Variants in SLC25A39 observed in about 807,000 individuals in gnomAD.
The protein encoded by SLC25A39 is mitochondrial glutathione transporter SLC25A39.
A neutral mutation model predicts 46.6 loss-of-function variants in SLC25A39; 44 were observed. That is an observed-to-expected ratio of 0.94 (90% CI 0.74 to 1.21). The LOEUF (loss-of-function observed/expected upper bound fraction) is 1.21. SLC25A39 is among the 50% of genes most tolerant of loss of function. The pLI is 0.00. For missense variants in SLC25A39, 487 were observed against 473.0 expected, an observed-to-expected ratio of 1.03 and a Z score of -0.28; for synonymous variants, 218 against 190.6, an observed-to-expected ratio of 1.14 and a Z score of -1.19.
At position 44,319,992 on chromosome 17, in the gene SLC25A39, T is replaced by C. The variant is rs777246942; in HGVS notation, c.*9A>G. On this transcript the variant is annotated 3_prime_UTR_variant, in exon 12 of 12. Coordinates refer to ENST00000377095, the MANE Select transcript of SLC25A39 (RefSeq NM_001143780.3). The stretch of plus-strand genomic sequence containing the variant: ...TGGGAGAGACGGGGTCCTTGCCTCC[T>C]TGCCCCTTTCAGCCGCCCAGAAGCC... 1.1e-5 allele frequency: 17 copies of C among 1,613,574 alleles called. No individual in the cohort carries two copies. Among genetic ancestry groups the C allele is most frequent in the Non-Finnish European group, 1.4e-5 (16 of 1,179,904 alleles).
chr17:44,323,784 G>A (rs141711348), intron 1 of SLC25A39: 7,300 of 576,248 alleles, frequency 0.013, 58 homozygotes, highest in Non-Finnish European at 0.017. Context: ...TGGGACTACA[G>A]GCGCGCACCA....
chr17:44,320,941 G>T, intron 8 of SLC25A39, 117 bp downstream of exon 8: 1 of 1,275,810 alleles, frequency 7.8e-7, no homozygotes, highest in Non-Finnish European at 1.1e-6. Flanking sequence ...GAAACCCATG[G>T]CTCAGAAAAG....
In SLC25A39 at chr17:44,320,706, C is replaced by G. The variant is rs1003974412; in HGVS notation, c.717G>C (p.Leu239=). ...FSALYWFNYE[L]VKSWLNGFRP... is the part of the protein sequence containing the mutation. ...TGAACCCATTGAGCCAGCTCTTCAC[C>G]AGCTCATAGTTGAACCAGTACAGGG... The change falls in exon 9 of 12, where the codon CTG becomes CTC. Residue 239 remains leucine, a synonymous_variant. Coordinates refer to ENST00000377095, the MANE Select transcript of SLC25A39 (RefSeq NM_001143780.3). The G allele has an allele frequency of 2.5e-6, 4 of 1,613,900 alleles. No individual in the cohort carries two copies. Among genetic ancestry groups the G allele is most frequent in the Non-Finnish European group, 3.4e-6 (4 of 1,179,994 alleles).
At chr17:44,320,946 G>T in intron 8 of SLC25A39, 112 bp downstream of exon 8, 2 of 1,322,028 alleles carry the variant, frequency 1.5e-6, no homozygotes, top group Non-Finnish European at 2.0e-6. Context: ...CCATGGCTCA[G>T]AAAAGCTAAG....
In SLC25A39 at chr17:44,319,870, T is replaced by C. The variant is rs1369618063; in HGVS notation, c.*131A>G. On this transcript the variant is annotated 3_prime_UTR_variant, in exon 12 of 12. Transcript: ENST00000377095. Reference sequence around the variant, plus strand: ...GCCGCCCAGAGGGACAGCCCTGCCCTGGAGCTTGTCGCCGGGAGGGAAGGG... The same window carrying C: ...GCCGCCCAGAGGGACAGCCCTGCCCCGGAGCTTGTCGCCGGGAGGGAAGGG... 32 of 814,568 alleles carry C rather than the reference T, an allele frequency of 3.9e-5. No homozygotes were observed. The highest frequency in any genetic ancestry group is 1.6e-5 in the South Asian group (1 of 61,054). 50.5% of individuals were successfully genotyped at this position (814,568 alleles called of 1,614,324 possible). A position where few individuals can be genotyped will look rare whatever the true frequency, so the allele number is the denominator to read the frequency against.
At chr17:44,320,887 C>T (rs530219917) in intron 8 of SLC25A39, 156 bp from the exon 9 acceptor site, 91 of 976,904 alleles carry the variant, frequency 9.3e-5, no homozygotes, top group Non-Finnish European at 1.0e-4. Flanking sequence ...ATCTCCTGAC[C>T]GCCTGGGCAA....
chr17:44,323,723 C>A, intron 1 of SLC25A39, 146 bp from the exon 2 acceptor site: 1 of 617,846 alleles, frequency 1.6e-6, no homozygotes, highest in Non-Finnish European at 2.9e-6. Context: ...TGGCTCACTG[C>A]AACATCCACC....
At position 44,321,441 on chromosome 17, in the gene SLC25A39, C is replaced by T. The variant is rs1715555932; in HGVS notation, c.510G>A (p.Leu170=). 6.2e-7 allele frequency: 1 copy of T among 1,613,210 alleles called. No individual in the cohort carries two copies. The highest frequency in any genetic ancestry group is 1.3e-5 in the African/African-American group (1 of 74,828). The change falls in exon 7 of 12, where the codon CTG becomes CTA. Residue 170 remains leucine, a synonymous_variant. Transcript: ENST00000377095. ...DLYAPMVAGA[L]ARLGTVTVIS... is the part of the protein sequence containing the mutation. ...GCCCAAGACTATGCTCACGGCGGGC[C>T]AGCGCGCCAGCCACCATGGGTGCGT...
chr17:44,323,439 A>AAGCCCCCCCCCCCCCC, intron 2 of SLC25A39, 39 bp downstream of exon 2: 52 of 256,928 alleles, frequency 2.0e-4, no homozygotes, highest in Non-Finnish European at 2.8e-4. Context: ...GGTCTGCCCC[A>AAGCCCCCCCCCCCCCC]TCCCCACCCG....
Position 44,319,883 on chromosome 17 carries a change from C to T in SLC25A39, c.*118G>A, listed in dbSNP as rs1271180952. 16 of 938,092 alleles carry T rather than the reference C, an allele frequency of 1.7e-5. No homozygotes were observed. Among genetic ancestry groups the T allele is most frequent in the Middle Eastern group, 3.1e-4 (1 of 3,264 alleles). The allele number at this position is 938,092 out of a possible 1,614,324, so 58.1% of individuals were successfully genotyped here. On this transcript the variant is annotated 3_prime_UTR_variant, in exon 12 of 12. Coordinates refer to ENST00000377095, the MANE Select transcript of SLC25A39 (RefSeq NM_001143780.3). Reference sequence around the variant, plus strand: ...ACAGCCCTGCCCTGGAGCTTGTCGCCGGGAGGGAAGGGAAACAAGCCCCCT... The same window carrying T: ...ACAGCCCTGCCCTGGAGCTTGTCGCTGGGAGGGAAGGGAAACAAGCCCCCT...
In SLC25A39 at chr17:44,322,490, G is replaced by A; in HGVS notation, c.253C>T (p.Leu85=). 1 of 1,614,220 alleles carries A rather than the reference G, an allele frequency of 6.2e-7. No homozygotes were observed. The highest frequency in any genetic ancestry group is 8.5e-7 in the Non-Finnish European group (1 of 1,180,032). ...CGGGCACCATTTGGGCACAGGTACA[G>A]AGGCTCCAGGACACCATTGCAATAC... ...LLYCNGVLEP[L]YLCPNGARCA... Residue 85 remains leucine (L), a synonymous_variant, in exon 5 of 12, where the codon CTG becomes TTG. Coordinates refer to ENST00000377095, the MANE Select transcript of SLC25A39 (RefSeq NM_001143780.3).
At chr17:44,320,318 C>T in intron 10 of SLC25A39, 37 bp downstream of exon 10, 2 of 1,613,434 alleles carry the variant, frequency 1.2e-6, no homozygotes, top group Non-Finnish European at 1.7e-6. Context: ...CATTCAGGAC[C>T]CCACCTGTCC....
chr17:44,320,671 T>G lies in SLC25A39; in HGVS notation c.752A>C (p.Asp251Ala). ...KSWLNGFRPK[D>A]QTSVGMSFVA... The stretch of plus-strand genomic sequence containing the variant: ...AAAGCTCATGCCCACAGAAGTCTGG[T>G]CCTTCGGCCTGAACCCATTGAGCCA... Residue 251 changes from aspartate (D) to alanine (A), a missense_variant, in exon 9 of 12, where the codon GAC (aspartate) becomes GCC (alanine). Physicochemically the swap from Asp to Ala is moderately radical, Grantham distance 126. Transcript: ENST00000377095. 1 of 1,614,106 alleles carries G rather than the reference T, an allele frequency of 6.2e-7. No individual in the cohort carries two copies. The highest frequency in any genetic ancestry group is 1.7e-5 in the Admixed American group (1 of 60,014).
chr17:44,320,381 G>A lies in SLC25A39; in HGVS notation c.857C>T (p.Ala286Val), dbSNP rs1254473692. The A allele has an allele frequency of 1.2e-6, 2 of 1,613,508 alleles. No individual in the cohort carries two copies. The highest frequency in any genetic ancestry group is 2.7e-5 in the African/African-American group (2 of 74,924). Reference protein sequence around the residue: ...FDVVKTQRQVALGAMEAVRVN... With the variant: ...FDVVKTQRQVVLGAMEAVRVN... ...TCTCACAGCCTCCATCGCTCCCAGA[G>A]CGACCTGGCGTTGGGTCTTTACCAC... The change falls in exon 10 of 12, where the codon GCT (alanine) becomes GTT (valine). Residue 286 changes from alanine to valine, a missense_variant. By Grantham distance (64) the Ala-to-Val change is moderately conservative. Coordinates refer to ENST00000377095, the MANE Select transcript of SLC25A39 (RefSeq NM_001143780.3).
chr17:44,320,351 T>G lies in SLC25A39; in HGVS notation c.883+4A>C. On this transcript the variant is annotated splice_donor_region_variant and intron_variant, in intron 10 of 11. Transcript: ENST00000377095. ...TCCCCTGCCACGGCAATCTGGGCCC[T>G]CACCTCTCACAGCCTCCATCGCTCC... 1 of 1,613,510 alleles carries G rather than the reference T, an allele frequency of 6.2e-7. No homozygotes were observed.
chr17:44,321,837 G>A, intron 5 of SLC25A39, 70 bp from the exon 6 acceptor site: 1 of 1,509,826 alleles, frequency 6.6e-7, no homozygotes, highest in African/African-American at 1.4e-5. Flanking sequence ...GGCTGGCCCA[G>A]GCTAGGCCTT....
At chr17:44,320,571 C>T (rs552106177) in intron 9 of SLC25A39, 51 bp downstream of exon 9, 43 of 1,581,888 alleles carry the variant, frequency 2.7e-5, no homozygotes, top group Non-Finnish European at 3.6e-5. Flanking sequence ...AATCCTCAGG[C>T]CCCCCGCAGG....
intron 2 of SLC25A39, 39 bp downstream of exon 2, chr17:44,323,439 A>AAACCCCCCCCCCCCCCC: frequency 1.7e-4 from 44 of 256,882 alleles, no homozygotes; most frequent in Non-Finnish European, 2.3e-4. Context: ...GGTCTGCCCC[A>AAACCCCCCCCCCCCCCC]TCCCCACCCG....
At chr17:44,320,984 TG>T in intron 8 of SLC25A39, 73 bp downstream of exon 8, 1 of 1,478,746 alleles carries the variant, frequency 6.8e-7, no homozygotes. Flanking sequence ...GTCACAAAGC[TG>T]GGACTTGGCT....
Sources: allele counts gnomAD v4.1 joint callset, GRCh38; gene constraint gnomAD v4.1.1; transcripts MANE v1.5; gene names NCBI Gene and HGNC (gene_info 2026-07-23, HGNC 2026-07-21).